The following REPS2 variants were observed in gnomAD, a reference collection of about 807,000 sequenced individuals.
The protein encoded by REPS2 is ralBP1-associated Eps domain-containing protein 2.
A neutral mutation model predicts 53.6 loss-of-function variants in REPS2; 23 were observed. That is an observed-to-expected ratio of 0.43 (90% CI 0.31 to 0.61). REPS2 has a LOEUF of 0.61. Among genes scored for constraint, REPS2 ranks in the 20% least tolerant of loss-of-function variants. The pLI, the probability that REPS2 is intolerant of heterozygous loss-of-function variation, is 0.11. For synonymous variants in REPS2, 238 were observed against 218.6 expected (o/e 1.09, Z -0.78); for missense variants, 446 against 534.9 (o/e 0.83, Z 1.64).
chrX:17,003,949 A>G (rs1189724082), intron 1 of REPS2, among the ~76,000 whole-genome samples: 1 of 111,943 alleles, frequency 8.9e-6, no homozygotes, highest in Non-Finnish European at 1.9e-5. Context: ...TCTGATTTGT[A>G]TCCAGCATCC....
chrX:17,072,411 T>G (rs2062319898), intron 11 of REPS2, among the ~76,000 whole-genome samples: 1 of 111,272 alleles, frequency 9.0e-6, no homozygotes. Flanking sequence ...AGGGCCTTAG[T>G]CTCAGGACTC....
chrX:17,105,783 T>C (rs1160983382), intron 14 of REPS2, among the ~76,000 whole-genome samples: 1 of 112,191 alleles, frequency 8.9e-6, no homozygotes. Context: ...GGGACACACA[T>C]ATTCAGATAT....
At chrX:17,061,422 G>A (rs1440124929) in intron 8 of REPS2, among the ~76,000 whole-genome samples, 1 of 112,145 alleles carries the variant, frequency 8.9e-6, no homozygotes, top group African/African-American at 3.2e-5. Context: ...TTACAGGTGT[G>A]AGCCACCATG....
At chrX:17,051,760 A>G (rs865834001) in intron 6 of REPS2, among the ~76,000 whole-genome samples, 14 of 112,500 alleles carry the variant, frequency 1.2e-4, no homozygotes, top group African/African-American at 4.5e-4. Context: ...TTCAAATTCA[A>G]TCTCAGTAAG....
At chrX:17,173,815 A>AT in the REPS2 span, among the ~76,000 whole-genome samples, 1 of 111,518 alleles carries the variant, frequency 9.0e-6, no homozygotes. Flanking sequence ...TAATTATTCC[A>AT]TTTTCACAAA....
intron 14 of REPS2, among the ~76,000 whole-genome samples, chrX:17,117,673 A>G (rs112932057): frequency 0.023 from 2,491 of 109,285 alleles, 85 homozygotes; most frequent in African/African-American, 0.08. Flanking sequence ...CCAGTCTATC[A>G]TTGTTGGACA....
intron 13 of REPS2, among the ~76,000 whole-genome samples, chrX:17,101,181 A>G (rs896406672): frequency 3.7e-5 from 4 of 107,116 alleles, no homozygotes; most frequent in African/African-American, 1.0e-4. Flanking sequence ...AGCCTCCCAA[A>G]TAGCTGGGAC....
chrX:17,096,113 C>A (rs1363866577), intron 13 of REPS2, among the ~76,000 whole-genome samples: 2 of 112,063 alleles, frequency 1.8e-5, no homozygotes, highest in Non-Finnish European at 3.8e-5. Flanking sequence ...AGGAATTTTA[C>A]ACAGTATCAA....
rs867051441 is a variant in REPS2 at position 16,946,775 on chromosome X, A to G, written c.-87A>G. ...TGGTGGCGGCGGCGGCGGCGGCGGCAGCTGAGGCCGAGGAGGCGGTGGCTG... is the reference window on the plus strand; with the variant it reads ...TGGTGGCGGCGGCGGCGGCGGCGGCGGCTGAGGCCGAGGAGGCGGTGGCTG... On this transcript the variant is annotated 5_prime_UTR_variant, in exon 1 of 18. Transcript: ENST00000357277. 13 of 742,121 alleles carry G rather than the reference A, an allele frequency of 1.8e-5. No individual in the cohort carries two copies. The South Asian group carries it at 2.7e-4, about 15-fold the overall frequency. 61.2% of individuals were successfully genotyped at this position (742,121 alleles called of 1,213,427 possible).
At chrX:17,068,023 G>A (rs1366269611) in intron 9 of REPS2, among the ~76,000 whole-genome samples, 1 of 112,079 alleles carries the variant, frequency 8.9e-6, no homozygotes, top group Admixed American at 9.5e-5. Context: ...TAGCTTTTAA[G>A]ACATTTTCGG....
chrX:16,978,659 G>GA, intron 1 of REPS2: 1 of 526,593 alleles, frequency 1.9e-6, no homozygotes, highest in Non-Finnish European at 2.3e-6. Context: ...GAGGGGCACA[G>GA]AATCCCAGCC....
At chrX:17,037,563 G>A (rs757384838) in intron 5 of REPS2, among the ~76,000 whole-genome samples, 1 of 112,558 alleles carries the variant, frequency 8.9e-6, no homozygotes, top group African/African-American at 3.2e-5. Context: ...TGATTCACCC[G>A]CCTTGGCCTC....
chrX:16,997,980 C>T (rs1279350136), intron 1 of REPS2, among the ~76,000 whole-genome samples: 1 of 111,637 alleles, frequency 9.0e-6, no homozygotes, highest in African/African-American at 3.3e-5. Context: ...TGTGGTGGCT[C>T]ATTTCCATAA....
intron 1 of REPS2, among the ~76,000 whole-genome samples, chrX:17,004,168 G>A (rs778317604): frequency 9.0e-6 from 1 of 111,225 alleles, no homozygotes; most frequent in East Asian, 2.8e-4. Flanking sequence ...CTAAAGAAGA[G>A]GAGTGGAATC....
At chrX:17,131,133 C>A (rs997218044) in intron 14 of REPS2, among the ~76,000 whole-genome samples, 7 of 110,800 alleles carry the variant, frequency 6.3e-5, no homozygotes, top group Non-Finnish European at 1.3e-4. Context: ...ATGGGATTAC[C>A]CTGGGAGAGA....
intron 2 of REPS2, among the ~76,000 whole-genome samples, chrX:17,014,469 T>C (rs775829960): frequency 3.6e-5 from 4 of 111,565 alleles, no homozygotes; most frequent in Non-Finnish European, 7.5e-5. Context: ...GTATTTCAGA[T>C]CAATGGGCAG....
chrX:17,074,444 T>C (rs975328470), intron 12 of REPS2: 7 of 240,052 alleles, frequency 2.9e-5, no homozygotes, highest in Admixed American at 6.9e-5. Context: ...TGATAACTTA[T>C]AGGGGGAAGT....
the REPS2 span, among the ~76,000 whole-genome samples, chrX:17,172,470 C>T: frequency 1.1e-3 from 123 of 111,905 alleles, no homozygotes; most frequent in Non-Finnish European, 1.6e-3. Flanking sequence ...CACCTTCTGC[C>T]GTGATTGTAA....
chrX:16,963,770 C>T (rs1055608675), intron 1 of REPS2, among the ~76,000 whole-genome samples: 7 of 111,232 alleles, frequency 6.3e-5, no homozygotes, highest in Non-Finnish European at 1.1e-4. Context: ...TTGAACACAT[C>T]GTTCTTCCTA....
Sources: allele counts gnomAD v4.1 joint callset (sites outside exome capture counted in the v4.1 genomes callset), GRCh38; gene constraint gnomAD v4.1.1; transcripts MANE v1.5; gene names NCBI Gene and HGNC (gene_info 2026-07-23, HGNC 2026-07-21).